The following PDE1C variants were observed in gnomAD, a reference collection of about 807,000 sequenced individuals.
The protein encoded by PDE1C is dual specificity calcium/calmodulin-dependent 3',5'-cyclic nucleotide phosphodiesterase 1C.
In PDE1C, 62 loss-of-function variants were observed where a neutral mutation model predicts 93.1. The observed-to-expected ratio is 0.67, with a 90% CI of 0.54 to 0.82. The LOEUF is 0.82. Ranked by LOEUF, PDE1C falls within the 40% of genes least tolerant of loss-of-function variation. The pLI, the probability that PDE1C is intolerant of heterozygous loss-of-function variation, is 0.00. For synonymous variants in PDE1C, 325 were observed against 310.1 expected, an observed-to-expected ratio of 1.05 and a Z score of -0.50; for missense variants, 742 against 884.6, an observed-to-expected ratio of 0.84 and a Z score of 2.04.
At chr7:32,329,024 G>A (rs1783460701) in intron 1 of PDE1C, among the ~76,000 whole-genome samples, 1 of 152,106 alleles carries the variant, frequency 6.6e-6, no homozygotes, top group South Asian at 2.1e-4. Context: ...TTAAGCTCAG[G>A]AGTTTGAGAC....
intron 2 of PDE1C, among the ~76,000 whole-genome samples, chr7:32,016,080 C>T (rs947570710): frequency 1.3e-5 from 2 of 152,170 alleles, no homozygotes; most frequent in African/African-American, 2.4e-5. Context: ...GCAGACTGCT[C>T]CTTAATTTGT....
intron 1 of PDE1C, among the ~76,000 whole-genome samples, chr7:32,329,609 T>C (rs1367777140): frequency 6.6e-6 from 1 of 152,206 alleles, no homozygotes; most frequent in East Asian, 1.9e-4. Context: ...TTTTTCCTGA[T>C]AATAATGCTA....
intron 1 of PDE1C, among the ~76,000 whole-genome samples, chr7:32,421,446 A>T (rs1213347721): frequency 6.6e-6 from 1 of 152,258 alleles, no homozygotes; most frequent in Non-Finnish European, 1.5e-5. Flanking sequence ...TGACTAAATG[A>T]CTAGCAAGTC....
the PDE1C span, among the ~76,000 whole-genome samples, chr7:31,647,755 G>T: frequency 6.6e-6 from 1 of 151,228 alleles, no homozygotes; most frequent in Non-Finnish European, 1.5e-5. Context: ...CTGAGCAGAT[G>T]TTGAAACTAA....
rs1006727236 is a variant in PDE1C at position 32,298,598 on chromosome 7, C to T, written c.85+53G>A. 6.4e-6 allele frequency: 10 copies of T among 1,551,918 alleles called. No homozygotes were observed. The East Asian group carries it at 9.6e-5, about 15-fold the overall frequency. ...CTTAGAAAGGAACTCTGACCGCCAC[C>T]GGAGAGGGCGTTTGCCCGAGCCAGG... On this transcript the variant is annotated intron_variant, in intron 1 of 18. Coordinates refer to the PDE1C transcript ENST00000396193.
intron 1 of PDE1C, among the ~76,000 whole-genome samples, chr7:32,247,876 A>G (rs778235461): frequency 5.3e-5 from 8 of 152,170 alleles, no homozygotes; most frequent in Non-Finnish European, 1.2e-4. Context: ...AGTCTGTACT[A>G]TGTACAGACT....
chr7:32,078,838 G>A (rs1359325830), intron 3 of PDE1C, among the ~76,000 whole-genome samples: 1 of 151,460 alleles, frequency 6.6e-6, no homozygotes, highest in East Asian at 1.9e-4. Context: ...AAGCTGGGAG[G>A]ATTGCTTGAG....
intron 1 of PDE1C, among the ~76,000 whole-genome samples, chr7:32,250,390 A>C (rs114766798): frequency 0.015 from 2,272 of 152,304 alleles, 81 homozygotes; most frequent in African/African-American, 0.052. Context: ...TTAGGTGCGC[A>C]TCAGAATCAC....
intron 1 of PDE1C, among the ~76,000 whole-genome samples, chr7:32,322,681 A>G (rs1783321968): frequency 6.6e-6 from 1 of 150,788 alleles, no homozygotes; most frequent in Non-Finnish European, 1.5e-5. Context: ...CAGTGACATA[A>G]TCTTGGCTCA....
At chr7:32,302,305 T>C (rs918051405), upstream of PDE1C, among the ~76,000 whole-genome samples, 11 of 152,296 alleles carry the variant, frequency 7.2e-5, no homozygotes, top group Admixed American at 3.3e-4. Context: ...GGACTCAGAG[T>C]GCATTCTAAC....
chr7:31,865,011 G>A lies in PDE1C; in HGVS notation c.681C>T (p.Tyr227=). Residue 227 remains tyrosine (Y), a synonymous_variant, in exon 7 of 18, where the codon TAC becomes TAT. Coordinates refer to ENST00000396191, the MANE Select transcript of PDE1C (RefSeq NM_001191057.4). ...EVGYSKHKNP[Y]HNLMHAADVT... ...CATCGGCAGCGTGCATTAAGTTATGGTAAGGATTTTTGTGCTTGCTGTATC... is the reference window on the plus strand; with the variant it reads ...CATCGGCAGCGTGCATTAAGTTATGATAAGGATTTTTGTGCTTGCTGTATC... 6.2e-7 allele frequency: 1 copy of A among 1,614,060 alleles called. No homozygotes were observed. Among genetic ancestry groups the A allele is most frequent in the East Asian group, 2.2e-5 (1 of 44,858 alleles).
intron 6 of PDE1C, among the ~76,000 whole-genome samples, chr7:31,866,459 GA>G (rs1464107215): frequency 6.6e-6 from 1 of 152,078 alleles, no homozygotes; most frequent in East Asian, 1.9e-4. Context: ...TTGTTCCAAG[GA>G]AAGTCTCCAG....
At chr7:32,216,427 A>G (rs372090580) in intron 1 of PDE1C, among the ~76,000 whole-genome samples, 11 of 152,294 alleles carry the variant, frequency 7.2e-5, no homozygotes, top group Admixed American at 3.3e-4. Flanking sequence ...TTCTCTGCCA[A>G]TGAAAAAGCT....
chr7:32,291,720 A>G (rs1003067426), intron 1 of PDE1C, among the ~76,000 whole-genome samples: 5 of 152,220 alleles, frequency 3.3e-5, no homozygotes, highest in African/African-American at 1.2e-4. Context: ...TCTACAAAGC[A>G]TCCATCACAA....
intron 2 of PDE1C, among the ~76,000 whole-genome samples, chr7:31,930,848 C>CAAAAAAAAAAAAAAAAAAAAAAAA (rs56394903): frequency 3.1e-5 from 1 of 32,638 alleles, no homozygotes; most frequent in Non-Finnish European, 4.7e-5. Flanking sequence ...GACTCTGTCT[C>CAAAAAAAAAAAAAAAAAAAAAAAA]AAAAAAAAAA....
At chr7:31,625,117 G>C in the PDE1C span, among the ~76,000 whole-genome samples, 1 of 152,088 alleles carries the variant, frequency 6.6e-6, no homozygotes, top group African/African-American at 2.4e-5. Flanking sequence ...AAGAAGTCGG[G>C]AAACAACAGG....
chr7:31,966,605 A>G (rs1810006328), intron 2 of PDE1C, among the ~76,000 whole-genome samples: 2 of 152,210 alleles, frequency 1.3e-5, no homozygotes, highest in African/African-American at 2.4e-5. Flanking sequence ...TGCACCAAGC[A>G]GACCTAATAG....
At chr7:32,347,156 C>T (rs1668387) in intron 1 of PDE1C, among the ~76,000 whole-genome samples, 121,767 of 152,164 alleles carry the variant, frequency 0.8, 49,087 homozygotes, top group Admixed American at 0.85. Flanking sequence ...ACATCTAGCC[C>T]AGCCAGGCAA....
At chr7:31,904,198 A>C (rs145112643) in intron 2 of PDE1C, among the ~76,000 whole-genome samples, 1 of 152,096 alleles carries the variant, frequency 6.6e-6, no homozygotes, top group African/African-American at 2.4e-5. Flanking sequence ...TACACACCAC[A>C]TTAGGACAGA....
Sources: gnomAD v4.1 joint callset for allele counts (sites outside exome capture counted in the v4.1 genomes callset) on GRCh38, gnomAD v4.1.1 for gene constraint, MANE v1.5 for transcripts, NCBI Gene and HGNC (gene_info 2026-07-23, HGNC 2026-07-21) for gene names.